Variants in SIPA1L1 observed in about 807,000 individuals in gnomAD.
SIPA1L1 encodes signal induced proliferation associated 1 like 1, also known as signal-induced proliferation-associated 1-like protein 1.
SIPA1L1 carries 26 observed loss-of-function variants against 162.7 expected under a neutral mutation model. The observed-to-expected ratio is 0.16, with a 90% confidence interval of 0.12 to 0.22. The LOEUF is 0.22. Among genes scored for constraint, SIPA1L1 ranks in the 10% least tolerant of loss-of-function variants. The pLI, the probability that SIPA1L1 is intolerant of heterozygous loss-of-function variation, is 1.00. For synonymous variants in SIPA1L1, 829 were observed against 837.4 expected (o/e 0.99, Z 0.17); for missense variants, 1,874 against 2,241.0 (o/e 0.84, Z 3.31).
rs925005566 is a variant in SIPA1L1 at position 71,587,905 on chromosome 14, G to T, written c.33G>T (p.Arg11Ser). 8.1e-6 allele frequency: 13 copies of T among 1,611,750 alleles called. No homozygotes were observed. Among genetic ancestry groups the T allele is most frequent in the Non-Finnish European group, 1.1e-5 (13 of 1,178,012 alleles). MTSLKRSQTE[R>S]PLATDRASVV... is the part of the protein sequence containing the mutation. ...GCTTGAAACGGTCACAGACAGAAAG[G>T]CCTCTTGCCACTGACAGGGCCTCTG... Residue 11 changes from arginine to serine, a missense_variant, in exon 5 of 24, where the codon AGG (arginine) becomes AGT (serine). This residue lies in a region of SIPA1L1 where 685 missense variants were observed against 828.0 expected (regional missense o/e 0.83). Transcript: ENST00000381232.
rs181104249 is a variant in SIPA1L1 at position 71,370,733 on chromosome 14, A to G, written c.-465+49552A>G. On this transcript the variant is annotated intron_variant, in intron 2 of 23. Coordinates refer to ENST00000381232, the MANE Select transcript of SIPA1L1 (RefSeq NM_001386936.1). ...GAGGCCAACTTGCGTGCCCAAGGTCAGTTATGAATCTAGGATTCAAAGGTC... is the reference window on the plus strand; with the variant it reads ...GAGGCCAACTTGCGTGCCCAAGGTCGGTTATGAATCTAGGATTCAAAGGTC... Among the ~76,000 whole-genome samples the G allele has an allele frequency of 1.4e-3, 213 of 152,344 alleles. 3 individuals carry two copies. The highest frequency in any genetic ancestry group is 2.6e-4 in the Non-Finnish European group (18 of 68,038).
intron 12 of SIPA1L1, among the ~76,000 whole-genome samples, chr14:71,681,330 G>A (rs17096112): frequency 0.29 from 43,865 of 152,058 alleles, 7,066 homozygotes; most frequent in East Asian, 0.68. Context: ...AAGATGAAAA[G>A]TACCTGGATG....
intron 2 of SIPA1L1, among the ~76,000 whole-genome samples, chr14:71,404,164 G>C (rs1304322899): frequency 2.0e-5 from 3 of 152,084 alleles, no homozygotes; most frequent in Non-Finnish European, 1.5e-5. Flanking sequence ...CATTGGATTG[G>C]CTTGCTTAAA....
chr14:71,473,827 A>G (rs2047651564), intron 2 of SIPA1L1, among the ~76,000 whole-genome samples: 1 of 152,216 alleles, frequency 6.6e-6, no homozygotes, highest in African/African-American at 2.4e-5. Flanking sequence ...AAATAAGTGC[A>G]TTTGCTGAAG....
At chr14:71,723,990 G>C (rs1258291597) in intron 18 of SIPA1L1, 104 bp downstream of exon 18, 16 of 1,307,446 alleles carry the variant, frequency 1.2e-5, no homozygotes, top group Non-Finnish European at 1.6e-5. Flanking sequence ...GGGCTAGGGG[G>C]TTGGCAGGAG....
At chr14:71,422,271 GT>G (rs1258672626) in intron 2 of SIPA1L1, among the ~76,000 whole-genome samples, 1 of 151,978 alleles carries the variant, frequency 6.6e-6, no homozygotes. Flanking sequence ...TAGACCTTTT[GT>G]AGTTATTTTA....
At chr14:71,440,646 C>CAAAAAAAAAAA (rs397853535) in intron 2 of SIPA1L1, among the ~76,000 whole-genome samples, 2 of 55,666 alleles carry the variant, frequency 3.6e-5, no homozygotes, top group Non-Finnish European at 5.9e-5. Flanking sequence ...GAACCCATCT[C>CAAAAAAAAAAA]AAAAAAAAAA....
chr14:71,546,376 C>CTTT (rs11480749), intron 4 of SIPA1L1, among the ~76,000 whole-genome samples: 2,786 of 116,906 alleles, frequency 0.024, 147 homozygotes, highest in East Asian at 0.042. Flanking sequence ...CTTTTTCTTT[C>CTTT]TTTTTTTTTT....
At chr14:71,467,066 C>T (rs946991151) in intron 2 of SIPA1L1, 5 of 152,132 alleles carry the variant, frequency 3.3e-5, no homozygotes, top group African/African-American at 1.2e-4. Flanking sequence ...TTCCTGCCTG[C>T]TTGGAACAAC....
intron 2 of SIPA1L1, among the ~76,000 whole-genome samples, chr14:71,353,610 A>G (rs2036933087): frequency 6.6e-6 from 1 of 152,072 alleles, no homozygotes; most frequent in Non-Finnish European, 1.5e-5. Context: ...GTGGGGCTGA[A>G]GTAGGGAGCC....
chr14:71,709,555 A>T lies in SIPA1L1; in HGVS notation c.4099A>T (p.Thr1367Ser). Residue 1367 changes from threonine (T) to serine (S), a missense_variant, in exon 17 of 24, where the codon ACA becomes TCA. Coordinates refer to ENST00000381232, the MANE Select transcript of SIPA1L1 (RefSeq NM_001386936.1). Reference protein sequence around the residue: ...ETESHGLDRKTESSLSLDIHS... With the variant: ...ETESHGLDRKSESSLSLDIHS... Reference sequence around the variant, plus strand: ...AGAGAGCCACGGCCTGGACCGGAAAACAGAGTCTTCCCTGAGCTTAGACAT... The same window carrying T: ...AGAGAGCCACGGCCTGGACCGGAAATCAGAGTCTTCCCTGAGCTTAGACAT... 6.2e-7 allele frequency: 1 copy of T among 1,614,166 alleles called. No individual in the cohort carries two copies. The highest frequency in any genetic ancestry group is 1.1e-5 in the South Asian group (1 of 91,086).
intron 7 of SIPA1L1, among the ~76,000 whole-genome samples, chr14:71,643,851 A>G (rs1349582734): frequency 3.3e-5 from 5 of 152,330 alleles, no homozygotes; most frequent in Admixed American, 1.3e-4. Context: ...TCTGTCGCCC[A>G]GGCTGGAGTG....
chr14:71,730,673 A>G (rs1171112178), intron 20 of SIPA1L1, among the ~76,000 whole-genome samples: 1 of 152,246 alleles, frequency 6.6e-6, no homozygotes, highest in Admixed American at 6.5e-5. Flanking sequence ...TGTAGCTACC[A>G]TAAGAACCCA....
At chr14:71,446,579 A>T (rs1018889021) in intron 2 of SIPA1L1, among the ~76,000 whole-genome samples, 3 of 152,188 alleles carry the variant, frequency 2.0e-5, no homozygotes, top group Non-Finnish European at 4.4e-5. Context: ...AAAAATATAA[A>T]GAAAGAAAGA....
intron 2 of SIPA1L1, among the ~76,000 whole-genome samples, chr14:71,374,697 T>G (rs980647943): frequency 1.3e-5 from 2 of 151,020 alleles, no homozygotes; most frequent in African/African-American, 4.9e-5. Context: ...TTTGAAAGTT[T>G]TTTTTTTTTT....
chr14:71,517,929 A>G (rs531810688), intron 3 of SIPA1L1, among the ~76,000 whole-genome samples: 13 of 151,906 alleles, frequency 8.6e-5, no homozygotes, highest in African/African-American at 3.1e-4. Context: ...TTATCTTTTT[A>G]TTTTCTTCAT....
intron 2 of SIPA1L1, among the ~76,000 whole-genome samples, chr14:71,384,300 T>G (rs1419899101): frequency 6.6e-6 from 1 of 152,216 alleles, no homozygotes; most frequent in Admixed American, 6.5e-5. Context: ...TGATTTATGT[T>G]CAATACATTG....
chr14:71,502,300 G>T (rs1244332638), intron 2 of SIPA1L1, among the ~76,000 whole-genome samples: 2 of 144,210 alleles, frequency 1.4e-5, no homozygotes, highest in Non-Finnish European at 3.0e-5. Context: ...GTCTCGCTGT[G>T]TTGCCAGGCT....
At chr14:71,468,702 T>G (rs2047218507) in intron 2 of SIPA1L1, among the ~76,000 whole-genome samples, 1 of 152,190 alleles carries the variant, frequency 6.6e-6, no homozygotes, top group South Asian at 2.1e-4. Flanking sequence ...CACATACAAT[T>G]CAAAGAATTA....
Sources: gnomAD v4.1 joint callset for allele counts (sites outside exome capture counted in the v4.1 genomes callset) on GRCh38, gnomAD v4.1.1 for gene constraint, gnomAD v4.1.1 regional missense constraint, MANE v1.5 for transcripts, NCBI Gene and HGNC (gene_info 2026-07-23, HGNC 2026-07-21) for gene names.